Variants in TMEM114 observed in about 807,000 individuals in gnomAD.
TMEM114 encodes the protein transmembrane protein 114, also known as claudin-26.
A neutral mutation model predicts 6.2 loss-of-function variants in TMEM114; 6 were observed. The observed-to-expected ratio is 0.97, with a 90% CI of 0.53 to 1.91. The LOEUF is 1.91. TMEM114 is among the 40% of genes most tolerant of loss of function. The pLI is 0.01. For missense variants in TMEM114, 218 were observed against 158.3 expected, an observed-to-expected ratio of 1.38 and a Z score of -2.02; for synonymous variants, 104 against 73.0, an observed-to-expected ratio of 1.42 and a Z score of -2.16.
At chr16:8,570,619 T>C (rs115575641) in intron 3 of TMEM114, among the ~76,000 whole-genome samples, 2,581 of 152,208 alleles carry the variant, frequency 0.017, 90 homozygotes, top group African/African-American at 0.06. Context: ...GGCATGTTTG[T>C]GTAATTATTT....
At chr16:8,539,896 C>T (rs1900469008) in intron 2 of TMEM114, among the ~76,000 whole-genome samples, 1 of 152,184 alleles carries the variant, frequency 6.6e-6, no homozygotes, top group South Asian at 2.1e-4. Flanking sequence ...CTCCTCACTG[C>T]AGCCTCCACC....
In TMEM114 at chr16:8,590,243, C is replaced by G. The variant is rs936218169; in HGVS notation, c.-405G>C. ...CTCGGCCCTCCACGCCCAGCCCAAG[C>G]GGACTCTCTCACTTCAAAATCCTCA... On this transcript the variant is annotated 5_prime_UTR_variant, in exon 1 of 4. Coordinates refer to ENST00000620492, the MANE Select transcript of TMEM114 (RefSeq NM_001146336.2). 4 of 183,616 alleles carry G rather than the reference C, an allele frequency of 2.2e-5. No individual in the cohort carries two copies. Among genetic ancestry groups the G allele is most frequent in the Non-Finnish European group, 4.5e-5 (4 of 89,244 alleles). The allele number at this position is 183,616 out of a possible 1,614,324, so 11.4% of individuals were successfully genotyped here.
intron 2 of TMEM114, among the ~76,000 whole-genome samples, chr16:8,578,000 G>T (rs1360207758): frequency 6.6e-6 from 1 of 152,152 alleles, no homozygotes; most frequent in Non-Finnish European, 1.5e-5. Context: ...ATCGAACAAG[G>T]CCACTGCCCT....
At chr16:8,553,943 ATC>A (rs1268155080) in intron 2 of TMEM114, among the ~76,000 whole-genome samples, 1 of 151,496 alleles carries the variant, frequency 6.6e-6, no homozygotes, top group African/African-American at 2.4e-5. Context: ...CAGTGGTGCA[ATC>A]TCAGCTCACT....
chr16:8,556,766 G>C (rs1901023863), intron 2 of TMEM114, among the ~76,000 whole-genome samples: 1 of 152,172 alleles, frequency 6.6e-6, no homozygotes, highest in South Asian at 2.1e-4. Flanking sequence ...GCCTCCCAAA[G>C]TGCCAGGATT....
At chr16:8,564,877 G>C (rs1242249854), downstream of TMEM114, among the ~76,000 whole-genome samples, 1 of 36,300 alleles carries the variant, frequency 2.8e-5, no homozygotes, top group African/African-American at 1.3e-4. Flanking sequence ...GAGGGAGGGA[G>C]GGAGTGAATG....
At chr16:8,550,485 C>A (rs947633766) in intron 2 of TMEM114, among the ~76,000 whole-genome samples, 2 of 152,036 alleles carry the variant, frequency 1.3e-5, no homozygotes, top group Admixed American at 6.6e-5. Flanking sequence ...TTGAGAGCAG[C>A]CTGACCAACA....
the TMEM114 span, among the ~76,000 whole-genome samples, chr16:8,526,904 G>T: frequency 6.6e-6 from 1 of 152,156 alleles, no homozygotes. Flanking sequence ...TTTAAACTTT[G>T]AACATGAAAA....
chr16:8,587,493 C>T (rs899270955), intron 2 of TMEM114, among the ~76,000 whole-genome samples: 21 of 152,272 alleles, frequency 1.4e-4, no homozygotes, highest in Admixed American at 2.0e-4. Context: ...GGGATAAAAG[C>T]AGGGAGATTC....
chr16:8,561,476 C>T (rs1180996213), intron 2 of TMEM114, among the ~76,000 whole-genome samples: 1 of 152,222 alleles, frequency 6.6e-6, no homozygotes, highest in African/African-American at 2.4e-5. Context: ...GCACAGACCC[C>T]AGAATGTCAG....
downstream of TMEM114, among the ~76,000 whole-genome samples, chr16:8,567,698 G>A (rs1431571418): frequency 6.6e-6 from 1 of 152,114 alleles, no homozygotes; most frequent in African/African-American, 2.4e-5. Flanking sequence ...CCCCAGCTGA[G>A]AACTCTGGCC....
chr16:8,527,877 G>T, the TMEM114 span, among the ~76,000 whole-genome samples: 1 of 152,026 alleles, frequency 6.6e-6, no homozygotes, highest in South Asian at 2.1e-4. Flanking sequence ...CCTAGACTGG[G>T]TCTCTAGTTT....
chr16:8,546,246 G>C (rs74792093), intron 2 of TMEM114, among the ~76,000 whole-genome samples: 3 of 152,156 alleles, frequency 2.0e-5, no homozygotes, highest in African/African-American at 4.8e-5. Context: ...ATACTTTATA[G>C]AATTTCTTAA....
chr16:8,562,939 AG>A (rs1901320212), intron 2 of TMEM114, among the ~76,000 whole-genome samples: 1 of 87,800 alleles, frequency 1.1e-5, no homozygotes, highest in Non-Finnish European at 2.6e-5. Flanking sequence ...TGAGTGAATT[AG>A]TGAGTAAATG....
Position 8,572,116 on chromosome 16 carries a change from A to G in TMEM114, c.410T>C (p.Leu137Pro). The G allele has an allele frequency of 6.4e-7, 1 of 1,550,780 alleles. No homozygotes were observed. Among genetic ancestry groups the G allele is most frequent in the Non-Finnish European group, 8.7e-7 (1 of 1,146,514 alleles). ...AAAGAGGAAGAGAATTCCAGTGAGC[A>G]GGAGGAGGAGGTAGGCTTGGAGGAG... Reference protein sequence around the residue: ...SFLLQAYLLLLLTGILFLFGA... With the variant: ...SFLLQAYLLLPLTGILFLFGA... The change falls in exon 3 of 4, where the codon CTG (leucine) becomes CCG (proline). Residue 137 changes from leucine (L) to proline (P), a missense_variant. By Grantham distance (98) the Leu-to-Pro change is moderately conservative (BLOSUM62 -3). Coordinates refer to ENST00000620492, the MANE Select transcript of TMEM114 (RefSeq NM_001146336.2).
At chr16:8,531,778 C>T in the TMEM114 span, among the ~76,000 whole-genome samples, 4 of 152,200 alleles carry the variant, frequency 2.6e-5, no homozygotes, top group South Asian at 2.1e-4. Flanking sequence ...AACAGTCAAC[C>T]GAATAGTCCA....
At chr16:8,559,915 G>A (rs944315176) in intron 2 of TMEM114, among the ~76,000 whole-genome samples, 1 of 152,198 alleles carries the variant, frequency 6.6e-6, no homozygotes, top group Non-Finnish European at 1.5e-5. Flanking sequence ...CTGAATGGGA[G>A]GCAGAAGTGG....
At chr16:8,539,829 A>G (rs1299384863) in intron 2 of TMEM114, among the ~76,000 whole-genome samples, 1 of 151,978 alleles carries the variant, frequency 6.6e-6, no homozygotes, top group East Asian at 1.9e-4. Context: ...TAATTATTTT[A>G]TTTTTTTACA....
chr16:8,587,476 A>G (rs1374781325), intron 2 of TMEM114, among the ~76,000 whole-genome samples: 3 of 152,226 alleles, frequency 2.0e-5, no homozygotes, highest in Non-Finnish European at 2.9e-5. Flanking sequence ...AGCCAAGTCA[A>G]GTTGGTGGGA....
Sources: allele counts gnomAD v4.1 joint callset (sites outside exome capture counted in the v4.1 genomes callset), GRCh38; gene constraint gnomAD v4.1.1; transcripts MANE v1.5; gene names NCBI Gene and HGNC (gene_info 2026-07-23, HGNC 2026-07-21).